CSMD3: variants seen among roughly 807,000 people sequenced by gnomAD.
CSMD3 encodes CUB and Sushi multiple domains 3, also known as CUB and sushi domain-containing protein 3.
In CSMD3, 177 loss-of-function variants were observed where a neutral mutation model predicts 435.2. The observed-to-expected ratio is 0.41, with a 90% CI of 0.36 to 0.46. The LOEUF (loss-of-function observed/expected upper bound fraction) is 0.46. Ranked by LOEUF, CSMD3 falls within the 20% of genes least tolerant of loss-of-function variation. CSMD3 has a pLI of 0.34. For missense variants in CSMD3, 4,265 were observed against 4,504.6 expected, an observed-to-expected ratio of 0.95 and a Z score of 1.52; for synonymous variants, 1,656 against 1,520.5, an observed-to-expected ratio of 1.09 and a Z score of -2.07.
At chr8:112,882,307 A>C (rs977352274) in intron 10 of CSMD3, among the ~76,000 whole-genome samples, 4 of 151,946 alleles carry the variant, frequency 2.6e-5, no homozygotes, top group Admixed American at 1.3e-4. Flanking sequence ...TGACAATGTA[A>C]ATTAACAGCT....
chr8:112,512,188 T>C (rs1331822094), intron 28 of CSMD3, among the ~76,000 whole-genome samples: 2 of 152,240 alleles, frequency 1.3e-5, no homozygotes, highest in Non-Finnish European at 2.9e-5. Flanking sequence ...CTTAATGGCA[T>C]CTAAAATTGT....
chr8:113,085,907 A>T (rs2089749700), intron 5 of CSMD3, among the ~76,000 whole-genome samples: 1 of 152,168 alleles, frequency 6.6e-6, no homozygotes, highest in Non-Finnish European at 1.5e-5. Context: ...TGTCTGTTCA[A>T]AAAGCTAGAA....
At chr8:112,858,221 A>G (rs1432728441) in intron 11 of CSMD3, among the ~76,000 whole-genome samples, 1 of 151,778 alleles carries the variant, frequency 6.6e-6, no homozygotes, top group Non-Finnish European at 1.5e-5. Context: ...TAGCTTTACT[A>G]ACAACTGTGT....
At chr8:112,719,739 A>T (rs752028279) in intron 13 of CSMD3, among the ~76,000 whole-genome samples, 39 of 152,324 alleles carry the variant, frequency 2.6e-4, no homozygotes, top group Middle Eastern at 3.4e-3. Flanking sequence ...AAAGGAATTA[A>T]TAATAATACA....
intron 35 of CSMD3, among the ~76,000 whole-genome samples, chr8:112,398,746 TG>T (rs1350165265): frequency 9.2e-5 from 14 of 152,290 alleles, no homozygotes; most frequent in African/African-American, 2.9e-4. Flanking sequence ...ATGGGTAGCC[TG>T]GATGATCTCT....
chr8:112,556,954 C>T lies in CSMD3; in HGVS notation c.4043G>A (p.Ser1348Asn). 2 of 1,606,738 alleles carry T rather than the reference C, an allele frequency of 1.2e-6. No individual in the cohort carries two copies. Among genetic ancestry groups the T allele is most frequent in the Non-Finnish European group, 1.7e-6 (2 of 1,174,186 alleles). ...TDEGFQLVYT[S>N]FELSHCEDPG... Reference sequence around the variant, plus strand: ...ATCTTCACAGTGTGAGAGTTCAAAACCTGGGACAAAAATATAAATTGATTA... The same window carrying T: ...ATCTTCACAGTGTGAGAGTTCAAAATCTGGGACAAAAATATAAATTGATTA... Residue 1348 changes from serine to asparagine, a missense_variant and splice_region_variant, in exon 25 of 71, where the codon AGT becomes AAT. Ser to Asn is a conservative substitution (Grantham distance 46, BLOSUM62 1). This residue lies in a region of CSMD3 where 3,255 missense variants were observed against 3,380.2 expected (regional missense o/e 0.96). Coordinates refer to ENST00000297405, the MANE Select transcript of CSMD3 (RefSeq NM_198123.2).
intron 5 of CSMD3, among the ~76,000 whole-genome samples, chr8:113,047,672 A>T (rs1179235305): frequency 6.6e-6 from 1 of 152,236 alleles, no homozygotes; most frequent in Non-Finnish European, 1.5e-5. Context: ...TAGAATTTTT[A>T]AATTATTTGT....
At chr8:113,347,699 T>G (rs1588567776) in intron 1 of CSMD3, among the ~76,000 whole-genome samples, 1 of 152,120 alleles carries the variant, frequency 6.6e-6, no homozygotes. Flanking sequence ...TTAACGGCAG[T>G]GACAGTCCAG....
chr8:112,953,417 G>A (rs1346306116), intron 8 of CSMD3, among the ~76,000 whole-genome samples: 1 of 151,222 alleles, frequency 6.6e-6, no homozygotes, highest in East Asian at 1.9e-4. Context: ...AAAACTAACA[G>A]TATCAATCTT....
chr8:112,643,249 G>A (rs1169559476), intron 20 of CSMD3, among the ~76,000 whole-genome samples: 1 of 152,112 alleles, frequency 6.6e-6, no homozygotes, highest in African/African-American at 2.4e-5. Context: ...TGGAAAAAAT[G>A]AGGAATTTGT....
chr8:112,566,046 T>TA (rs1829038735), intron 24 of CSMD3, among the ~76,000 whole-genome samples: 2 of 151,346 alleles, frequency 1.3e-5, no homozygotes, highest in Admixed American at 6.6e-5. Flanking sequence ...CTCTCTTTTT[T>TA]TTTTTTTTAC....
At chr8:112,417,906 CTA>C (rs1299376070) in intron 32 of CSMD3, among the ~76,000 whole-genome samples, 1 of 152,114 alleles carries the variant, frequency 6.6e-6, no homozygotes, top group East Asian at 1.9e-4. Context: ...CCTATTAGAT[CTA>C]TGTTTGATTC....
At chr8:112,479,569 CCTTGG>C (rs1382753792) in intron 31 of CSMD3, among the ~76,000 whole-genome samples, 1 of 152,184 alleles carries the variant, frequency 6.6e-6, no homozygotes, top group East Asian at 1.9e-4. Flanking sequence ...CTGCTGCCTG[CCTTGG>C]GAGGCTGCTC....
chr8:112,595,208 C>T (rs1273128326), intron 22 of CSMD3, among the ~76,000 whole-genome samples: 9 of 150,984 alleles, frequency 6.0e-5, no homozygotes, highest in Middle Eastern at 3.2e-3. Flanking sequence ...TCGAGAACTA[C>T]GTGAAGAATG....
At chr8:112,898,907 T>G (rs1203368418) in intron 10 of CSMD3, among the ~76,000 whole-genome samples, 2 of 151,166 alleles carry the variant, frequency 1.3e-5, no homozygotes, top group African/African-American at 4.8e-5. Flanking sequence ...AAACTTTGGT[T>G]TTACTAATTT....
intron 27 of CSMD3, among the ~76,000 whole-genome samples, chr8:112,532,146 A>G (rs1399434247): frequency 6.6e-6 from 1 of 152,088 alleles, no homozygotes; most frequent in African/African-American, 2.4e-5. Flanking sequence ...GAAAGAATTC[A>G]TGACATGGAA....
At chr8:112,707,066 C>T (rs1216465382) in intron 13 of CSMD3, among the ~76,000 whole-genome samples, 1 of 151,890 alleles carries the variant, frequency 6.6e-6, no homozygotes, top group East Asian at 1.9e-4. Context: ...AAGGATAGAT[C>T]AATATTTTTT....
At chr8:113,425,973 T>C (rs1254936813) in intron 1 of CSMD3, among the ~76,000 whole-genome samples, 1 of 151,540 alleles carries the variant, frequency 6.6e-6, no homozygotes, top group Non-Finnish European at 1.5e-5. Context: ...AACTCCAGAT[T>C]TCTCCATATA....
At chr8:112,476,831 T>A (rs906923135) in intron 31 of CSMD3, among the ~76,000 whole-genome samples, 1 of 152,220 alleles carries the variant, frequency 6.6e-6, no homozygotes, top group Non-Finnish European at 1.5e-5. Flanking sequence ...AGCTTCTCTA[T>A]CACCTCTGCC....
Sources: allele counts gnomAD v4.1 joint callset (sites outside exome capture counted in the v4.1 genomes callset), GRCh38; gene constraint gnomAD v4.1.1; regional missense constraint gnomAD v4.1.1; transcripts MANE v1.5; gene names NCBI Gene and HGNC (gene_info 2026-07-23, HGNC 2026-07-21).